Variants in PAK5 observed in about 807,000 individuals in gnomAD.
PAK5 encodes p21 (RAC1) activated kinase 5.
Under a neutral mutation model 65.9 loss-of-function variants are expected in PAK5, and 16 were observed. The observed-to-expected ratio is 0.24, with a 90% CI of 0.16 to 0.37. PAK5 has a LOEUF of 0.37. Ranked by LOEUF, PAK5 falls within the 10% of genes least tolerant of loss-of-function variation. The pLI, the probability that PAK5 is intolerant of heterozygous loss-of-function variation, is 1.00. For missense variants in PAK5, 785 were observed against 903.9 expected, an observed-to-expected ratio of 0.87 and a Z score of 1.69; for synonymous variants, 371 against 354.9, an observed-to-expected ratio of 1.05 and a Z score of -0.51.
chr20:9,662,073 A>G (rs1600213159), intron 2 of PAK5, among the ~76,000 whole-genome samples: 3 of 152,164 alleles, frequency 2.0e-5, no homozygotes, highest in African/African-American at 4.8e-5. Context: ...TGATTCTTGA[A>G]TAATTTTGGC....
intron 2 of PAK5, among the ~76,000 whole-genome samples, chr20:9,648,557 C>G (rs1278815541): frequency 6.6e-6 from 1 of 151,730 alleles, no homozygotes; most frequent in Admixed American, 6.6e-5. Flanking sequence ...AATCCAAGTT[C>G]CCAGATGCCA....
intron 3 of PAK5, among the ~76,000 whole-genome samples, chr20:9,635,907 C>T (rs1600175930): frequency 6.6e-6 from 1 of 152,306 alleles, no homozygotes. Flanking sequence ...CCCCAGCTCT[C>T]AGAATTGCTG....
intron 2 of PAK5, among the ~76,000 whole-genome samples, chr20:9,644,869 A>G (rs1049034448): frequency 6.6e-6 from 1 of 152,226 alleles, no homozygotes; most frequent in Non-Finnish European, 1.5e-5. Flanking sequence ...TATGTAATGA[A>G]GCCACTGAGA....
intron 1 of PAK5, among the ~76,000 whole-genome samples, chr20:9,788,926 AT>A (rs1419466119): frequency 6.6e-6 from 1 of 152,200 alleles, no homozygotes; most frequent in Non-Finnish European, 1.5e-5. Context: ...TTCAACAACC[AT>A]CAAACACACT....
intron 4 of PAK5, among the ~76,000 whole-genome samples, chr20:9,570,197 T>C (rs2045754188): frequency 6.6e-6 from 1 of 152,176 alleles, no homozygotes; most frequent in Non-Finnish European, 1.5e-5. Flanking sequence ...TAAGTTCTAC[T>C]TGGTGTTATT....
chr20:9,682,193 T>C (rs1310448553), intron 2 of PAK5, among the ~76,000 whole-genome samples: 1 of 151,992 alleles, frequency 6.6e-6, no homozygotes, highest in Non-Finnish European at 1.5e-5. Context: ...CTGTCTCTAC[T>C]AAAAATACAA....
At chr20:9,723,456 T>C (rs2048240919) in intron 1 of PAK5, among the ~76,000 whole-genome samples, 1 of 152,162 alleles carries the variant, frequency 6.6e-6, no homozygotes, top group Admixed American at 6.5e-5. Context: ...GATGCCATGA[T>C]AGATTACAAA....
At chr20:9,764,776 T>C (rs2048738367) in intron 1 of PAK5, among the ~76,000 whole-genome samples, 1 of 152,192 alleles carries the variant, frequency 6.6e-6, no homozygotes, top group Non-Finnish European at 1.5e-5. Context: ...ACAGTTGTGG[T>C]TATTTTTCTA....
Position 9,637,065 on chromosome 20 carries a change from A to T in PAK5, c.204+7060T>A, listed in dbSNP as rs115328605. 8.1e-3 allele frequency among the ~76,000 whole-genome samples: 1,230 copies of T among 152,308 alleles called. 16 individuals carry two copies. Among genetic ancestry groups the T allele is most frequent in the African/African-American group, 0.028 (1,148 of 41,544 alleles). ...ACCCAGGCTGGAGTGCAGTGGTTCA[A>T]TCGTGGCTCACTGTAGCTTTGACCA... On this transcript the variant is annotated intron_variant, in intron 3 of 9. Transcript: ENST00000353224.
At chr20:9,590,710 G>A (rs73895916) in intron 3 of PAK5, among the ~76,000 whole-genome samples, 5,801 of 152,070 alleles carry the variant, frequency 0.038, 378 homozygotes, top group African/African-American at 0.13. Context: ...GCATCACTTC[G>A]TTTACTGTCT....
At chr20:9,734,211 T>C (rs1295024378) in intron 1 of PAK5, among the ~76,000 whole-genome samples, 1 of 152,176 alleles carries the variant, frequency 6.6e-6, no homozygotes, top group East Asian at 1.9e-4. Context: ...ATTAGGAAAG[T>C]TGAAAACCTG....
chr20:9,685,121 G>A (rs2047700406), intron 2 of PAK5, among the ~76,000 whole-genome samples: 1 of 152,118 alleles, frequency 6.6e-6, no homozygotes, highest in Non-Finnish European at 1.5e-5. Context: ...CTGATCTCAG[G>A]CTTGTGACAC....
At chr20:9,701,679 TATA>T (rs1442908978) in intron 2 of PAK5, among the ~76,000 whole-genome samples, 1 of 152,100 alleles carries the variant, frequency 6.6e-6, no homozygotes. Flanking sequence ...AAAATGCAAA[TATA>T]TCCTGGATAC....
intron 4 of PAK5, among the ~76,000 whole-genome samples, chr20:9,569,691 AG>A: frequency 5.4e-5 from 8 of 149,206 alleles, no homozygotes; most frequent in African/African-American, 2.1e-4. Context: ...ATGCATAAGA[AG>A]GTAGTCATTC....
chr20:9,757,248 T>A (rs2048645989), intron 1 of PAK5, among the ~76,000 whole-genome samples: 1 of 152,182 alleles, frequency 6.6e-6, no homozygotes, highest in South Asian at 2.1e-4. Flanking sequence ...CTATTACATA[T>A]ATTCCACATC....
chr20:9,649,191 G>A (rs2047172450), intron 2 of PAK5, among the ~76,000 whole-genome samples: 1 of 152,192 alleles, frequency 6.6e-6, no homozygotes, highest in African/African-American at 2.4e-5. Flanking sequence ...TCACCTGGCA[G>A]TTTGATTCAG....
In PAK5 at chr20:9,538,176, T is replaced by C. The variant is rs912453467; in HGVS notation, c.*1286A>G. 4.3e-6 allele frequency: 1 copy of C among 233,372 alleles called. No individual in the cohort carries two copies. The highest frequency in any genetic ancestry group is 5.6e-5 in the Admixed American group (1 of 17,778). 14.5% of individuals were successfully genotyped at this position (233,372 alleles called of 1,614,324 possible). A position where few individuals can be genotyped will look rare whatever the true frequency, so the allele number is the denominator to read the frequency against. ...AACACAAAATGTATTGTAGTAGTCA[T>C]TCATTTTTATCAACATTCAAGAAGA... On this transcript the variant is annotated 3_prime_UTR_variant, in exon 10 of 10. Coordinates refer to ENST00000353224, the MANE Select transcript of PAK5 (RefSeq NM_177990.4).
intron 4 of PAK5, among the ~76,000 whole-genome samples, chr20:9,569,221 A>G (rs980873119): frequency 3.9e-5 from 6 of 152,242 alleles, no homozygotes; most frequent in South Asian, 2.1e-4. Context: ...AGCAATATTG[A>G]TAGCTAATAC....
At chr20:9,807,901 C>T (rs554638327) in intron 1 of PAK5, among the ~76,000 whole-genome samples, 5 of 151,980 alleles carry the variant, frequency 3.3e-5, no homozygotes, top group African/African-American at 9.6e-5. Flanking sequence ...ATCTGAGATC[C>T]CGAGTTAGCA....
Sources: gnomAD v4.1 joint callset for allele counts (sites outside exome capture counted in the v4.1 genomes callset) on GRCh38, gnomAD v4.1.1 for gene constraint, MANE v1.5 for transcripts, NCBI Gene and HGNC (gene_info 2026-07-23, HGNC 2026-07-21) for gene names.